FZR1: variants seen among roughly 807,000 people sequenced by gnomAD.
FZR1 encodes fizzy and cell division cycle 20 related 1, also known as fizzy-related protein homolog.
A neutral mutation model predicts 63.6 loss-of-function variants in FZR1; 11 were observed. That is an observed-to-expected ratio of 0.17 (90% CI 0.11 to 0.29). FZR1 has a LOEUF of 0.29. FZR1 is among the 10% of genes least tolerant of loss of function. The probability of loss-of-function intolerance (pLI) is 1.00; values close to 1 mark genes in which losing one functional copy is unlikely to be tolerated. For missense variants in FZR1, 440 were observed against 687.5 expected, an observed-to-expected ratio of 0.64 and a Z score of 4.03; for synonymous variants, 328 against 297.9, an observed-to-expected ratio of 1.10 and a Z score of -1.04.
chr19:3,528,664 T>TGGATGAGAGAGTGGATGGGTGAGC (rs1351172275), intron 7 of FZR1, among the ~76,000 whole-genome samples: 7 of 137,788 alleles, frequency 5.1e-5, no homozygotes, highest in Non-Finnish European at 3.2e-5. Context: ...GATGGGAGAA[T>TGGATGAGAGAGTGGATGGGTGAGC]GGATGAGAGA....
At chr19:3,528,747 G>C (rs2083190828) in intron 7 of FZR1, among the ~76,000 whole-genome samples, 1 of 124,558 alleles carries the variant, frequency 8.0e-6, no homozygotes, top group African/African-American at 3.3e-5. Context: ...GGATGGGAGA[G>C]TGGGTGGGTG....
At chr19:3,520,679 G>C (rs1299698885) in intron 1 of FZR1, among the ~76,000 whole-genome samples, 1 of 152,236 alleles carries the variant, frequency 6.6e-6, no homozygotes, top group East Asian at 1.9e-4. Context: ...CGCTGCCTGC[G>C]GGCTCTTGCA....
Position 3,534,908 on chromosome 19 carries a change from C to T in FZR1, c.*72C>T. On this transcript the variant is annotated 3_prime_UTR_variant, in exon 14 of 14. Coordinates refer to ENST00000441788, the MANE Select transcript of FZR1 (RefSeq NM_016263.4). ...ACCCCAGCTCCTCAGCTTGCATGGA[C>T]TCTGCCTTCCCAGCGCTTGTCCCCC... 1 of 1,238,766 alleles carries T rather than the reference C, an allele frequency of 8.1e-7. No individual in the cohort carries two copies. 76.7% of individuals were successfully genotyped at this position (1,238,766 alleles called of 1,614,324 possible).
At chr19:3,524,617 G>A (rs1357903167) in intron 2 of FZR1, among the ~76,000 whole-genome samples, 2 of 152,168 alleles carry the variant, frequency 1.3e-5, no homozygotes, top group Admixed American at 6.5e-5. Context: ...GGCCGCAGAC[G>A]GGGCCCACGC....
chr19:3,513,915 G>T (rs1284898673), intron 1 of FZR1, among the ~76,000 whole-genome samples: 1 of 152,156 alleles, frequency 6.6e-6, no homozygotes, highest in Non-Finnish European at 1.5e-5. Flanking sequence ...TAAAAGATCC[G>T]TCATTGGGAT....
rs530489101 is a variant in FZR1, at chr19:3,515,093, C to T, written c.-34-7863C>T. Among the ~76,000 whole-genome samples the T allele has an allele frequency of 5.4e-4, 82 of 152,308 alleles. No homozygotes were observed. The highest frequency in any genetic ancestry group is 1.9e-3 in the African/African-American group (77 of 41,566). ...ACCAGGGCAACCAAGCTGCAGGTGTCGGCCACACAGGCAGAGCCACAGCAG... is the reference window on the plus strand; with the variant it reads ...ACCAGGGCAACCAAGCTGCAGGTGTTGGCCACACAGGCAGAGCCACAGCAG... On this transcript the variant is annotated intron_variant, in intron 1 of 13. Transcript: ENST00000441788. The surrounding 1 kb of genome is among the most constrained non-coding windows in gnomAD (Gnocchi z 4.6).
Position 3,531,945 on chromosome 19 carries a change from C to T in FZR1, c.858C>T (p.Ser286=), listed in dbSNP as rs773827289. The T allele has an allele frequency of 2.0e-5, 31 of 1,589,204 alleles. No homozygotes were observed. The highest frequency in any genetic ancestry group is 1.2e-4 in the South Asian group (11 of 88,266). Residue 286 remains serine (S), a synonymous_variant, in exon 10 of 14, where the codon TCC becomes TCT. Transcript: ENST00000441788. ...ALAWNAEQLS[S]GSRDRMILQR... ...CCTGGAATGCTGAGCAGCTGTCGTC[C>T]GGGAGCCGCGACCGCATGATCCTGC...
intron 10 of FZR1, among the ~76,000 whole-genome samples, 156 bp downstream of exon 10, chr19:3,532,251 C>T (rs1200308073): frequency 1.3e-5 from 2 of 152,370 alleles, no homozygotes; most frequent in East Asian, 1.9e-4. Flanking sequence ...CTCAGCCAGT[C>T]CTGCCCTGTG....
chr19:3,512,964 G>T (rs766184239), intron 1 of FZR1, among the ~76,000 whole-genome samples: 8 of 152,130 alleles, frequency 5.3e-5, no homozygotes, highest in African/African-American at 1.9e-4. Context: ...TTTGTGGGGG[G>T]TCTTTCTTAT....
rs1034477671 is a variant in FZR1, at chr19:3,533,105, C to CA, written c.1243-188dup. On this transcript the variant is annotated intron_variant, in intron 11 of 13. Coordinates refer to ENST00000441788, the MANE Select transcript of FZR1 (RefSeq NM_016263.4). This position sits in a 1 kb window ranked among gnomAD's most constrained non-coding sequence, Gnocchi z 4.9. ...GCCTTTGGCGGTGGGTGGAGGGGTC[C>CA]ACCTGTGGCCTCCACACCTCCTAGA... Among the ~76,000 whole-genome samples the CA allele has an allele frequency of 1.3e-5, 2 of 152,044 alleles. No homozygotes were observed. Among genetic ancestry groups the CA allele is most frequent in the African/African-American group, 4.8e-5 (2 of 41,378 alleles).
At chr19:3,519,627 C>T (rs1053994718) in intron 1 of FZR1, among the ~76,000 whole-genome samples, 15 of 152,146 alleles carry the variant, frequency 9.9e-5, no homozygotes, top group Admixed American at 7.9e-4. Flanking sequence ...CCTGTGAAGC[C>T]GATGTTTCCA....
In FZR1 at chr19:3,526,856, T is replaced by A; in HGVS notation, c.388-124T>A. 4 of 701,104 alleles carry A rather than the reference T, an allele frequency of 5.7e-6. No individual in the cohort carries two copies. The South Asian group carries it at 6.6e-5, about 12-fold the overall frequency. The allele number at this position is 701,104 out of a possible 1,614,324, so 43.4% of individuals were successfully genotyped here. A position where few individuals can be genotyped will look rare whatever the true frequency, so the allele number is the denominator to read the frequency against. On this transcript the variant is annotated intron_variant, in intron 5 of 13. Transcript: ENST00000441788. This position sits in a 1 kb window ranked among gnomAD's most constrained non-coding sequence, Gnocchi z 5.4. ...AAGGCGCCTGCCTTTTTACAGCTGC[T>A]CCACACAGGGTCTCAGCACCTGCCT...
intron 7 of FZR1, among the ~76,000 whole-genome samples, chr19:3,528,153 A>G (rs950901773): frequency 6.6e-5 from 10 of 152,238 alleles, no homozygotes; most frequent in East Asian, 1.9e-4. Flanking sequence ...ATAGAGAAGA[A>G]GAGACAGGTG....
chr19:3,507,242 T>TCCTCCGAACTGAA (rs1159658552), intron 1 of FZR1, among the ~76,000 whole-genome samples: 3 of 116,586 alleles, frequency 2.6e-5, no homozygotes, highest in African/African-American at 1.0e-4. Flanking sequence ...AGCCCCTCCC[T>TCCTCCGAACTGAA]CCTCCGAACT....
intron 7 of FZR1, among the ~76,000 whole-genome samples, chr19:3,530,385 CAGATGGGTGAGCGG>C: frequency 9.3e-6 from 1 of 108,082 alleles, no homozygotes; most frequent in South Asian, 3.0e-4. Context: ...GATGGGTGAG[CAGATGGGTGAGCGG>C]ATGGGAGAGC....
chr19:3,507,168 C>G (rs1392153972), intron 1 of FZR1, among the ~76,000 whole-genome samples: 4 of 147,032 alleles, frequency 2.7e-5, no homozygotes, highest in South Asian at 2.2e-4. Context: ...GTGCCCCCTA[C>G]CAGCCCCCAT....
chr19:3,528,119 G>C (rs1189809759), intron 7 of FZR1, among the ~76,000 whole-genome samples: 3 of 152,214 alleles, frequency 2.0e-5, no homozygotes, highest in Non-Finnish European at 4.4e-5. Context: ...GTCCCCACTG[G>C]AGCCACAATC....
At chr19:3,506,499 C>T (rs915622769) in intron 1 of FZR1, 25 bp downstream of exon 1, 1 of 151,746 alleles carries the variant, frequency 6.6e-6, no homozygotes, top group Non-Finnish European at 1.5e-5. Flanking sequence ...GTCGGGGACC[C>T]GCCCCCCGGG....
At chr19:3,523,803 C>T (rs1428437701) in intron 2 of FZR1, among the ~76,000 whole-genome samples, 1 of 152,220 alleles carries the variant, frequency 6.6e-6, no homozygotes, top group Non-Finnish European at 1.5e-5. Flanking sequence ...CATCGCAGCT[C>T]CCTCAGTGCC....
Sources: gnomAD v4.1 joint callset for allele counts (sites outside exome capture counted in the v4.1 genomes callset) on GRCh38, gnomAD v4.1.1 for gene constraint, Gnocchi (gnomAD v3.1) non-coding constraint, MANE v1.5 for transcripts, NCBI Gene and HGNC (gene_info 2026-07-23, HGNC 2026-07-21) for gene names.